Variants in MYOM1 observed in about 807,000 individuals in gnomAD.
MYOM1 encodes myomesin 1, also known as myomesin-1.
A neutral mutation model predicts 205.3 loss-of-function variants in MYOM1; 164 were observed. The ratio of observed to expected loss-of-function variants is 0.80; its 90% confidence interval spans 0.70 to 0.91. MYOM1 has a LOEUF of 0.91. Among genes scored for constraint, MYOM1 ranks in the 40% least tolerant of loss-of-function variants. The pLI, the probability that MYOM1 is intolerant of heterozygous loss-of-function variation, is 0.00. For missense variants in MYOM1, 2,011 were observed against 2,127.3 expected (o/e 0.95, Z 1.08); for synonymous variants, 772 against 789.4 (o/e 0.98, Z 0.37).
chr18:3,155,291 A>T (rs375958215), intron 10 of MYOM1, among the ~76,000 whole-genome samples: 5 of 152,068 alleles, frequency 3.3e-5, no homozygotes, highest in Admixed American at 1.3e-4. Flanking sequence ...GTGGGATCTC[A>T]GCTCACTGCA....
chr18:3,130,607 A>G (rs990900561), intron 17 of MYOM1, among the ~76,000 whole-genome samples: 1 of 151,970 alleles, frequency 6.6e-6, no homozygotes, highest in African/African-American at 2.4e-5. Context: ...ATGCACCACC[A>G]TGCCTGGCTA....
intron 19 of MYOM1, among the ~76,000 whole-genome samples, chr18:3,125,562 CAAA>C (rs112746940): frequency 1.4e-5 from 1 of 73,156 alleles, no homozygotes; most frequent in Admixed American, 1.5e-4. Flanking sequence ...AACTCCATCT[CAAA>C]AAAAAAAAAA....
At chr18:3,111,685 T>C (rs1248089823) in intron 22 of MYOM1, among the ~76,000 whole-genome samples, 1 of 152,226 alleles carries the variant, frequency 6.6e-6, no homozygotes. Flanking sequence ...CATTATATAA[T>C]ACATATAATG....
chr18:3,126,650 G>C, intron 19 of MYOM1, 51 bp downstream of exon 19: 1 of 1,529,850 alleles, frequency 6.5e-7, no homozygotes, highest in South Asian at 1.3e-5. Context: ...GGGCGTGCAA[G>C]CATAGCGTCA....
intron 35 of MYOM1, 88 bp downstream of exon 35, chr18:3,075,637 C>T (rs773165676): frequency 2.0e-6 from 3 of 1,478,868 alleles, no homozygotes; most frequent in Non-Finnish European, 2.8e-6. Context: ...ATAAAAGGCT[C>T]TTTCTAACAC....
intron 13 of MYOM1, among the ~76,000 whole-genome samples, chr18:3,143,089 T>C (rs147512511): frequency 2.6e-5 from 4 of 152,166 alleles, no homozygotes; most frequent in African/African-American, 9.7e-5. Flanking sequence ...ACAATGCATA[T>C]CATAATCAAA....
intron 6 of MYOM1, among the ~76,000 whole-genome samples, chr18:3,174,525 T>C (rs553185642): frequency 5.9e-5 from 9 of 152,234 alleles, no homozygotes; most frequent in South Asian, 2.1e-4. Context: ...ACATAAATTA[T>C]AGAGTGAACA....
chr18:3,181,727 GA>G (rs2080733323), intron 5 of MYOM1, among the ~76,000 whole-genome samples: 3 of 125,124 alleles, frequency 2.4e-5, no homozygotes, highest in East Asian at 2.4e-4. Context: ...GGGTGAAACT[GA>G]ATAATTTTTT....
At chr18:3,122,473 T>C (rs2079709779) in intron 19 of MYOM1, among the ~76,000 whole-genome samples, 1 of 152,168 alleles carries the variant, frequency 6.6e-6, no homozygotes, top group African/African-American at 2.4e-5. Flanking sequence ...TCAAAATTCA[T>C]AAGGCAACAT....
At chr18:3,136,504 C>T (rs2079967346) in intron 14 of MYOM1, among the ~76,000 whole-genome samples, 1 of 152,106 alleles carries the variant, frequency 6.6e-6, no homozygotes, top group Non-Finnish European at 1.5e-5. Flanking sequence ...CGGCTCACTG[C>T]AGCCTTGACT....
In MYOM1 at chr18:3,189,851, A is replaced by G. The variant is rs2080880832; in HGVS notation, c.432-764T>C. ...TCTAGTTTGTGTGCCTGTGACCCTG[A>G]TACATGAGTAGGAGCTTGATCTGGG... On this transcript the variant is annotated intron_variant, in intron 3 of 37. Transcript: ENST00000356443. The surrounding 1 kb of genome is among the most constrained non-coding windows in gnomAD (Gnocchi z 4.8). 6.6e-6 allele frequency among the ~76,000 whole-genome samples: 1 copy of G among 152,180 alleles called. No homozygotes were observed.
intron 2 of MYOM1, among the ~76,000 whole-genome samples, chr18:3,199,106 T>C (rs1159146536): frequency 6.6e-6 from 1 of 152,192 alleles, no homozygotes; most frequent in East Asian, 1.9e-4. Flanking sequence ...CTGCCTAGGC[T>C]TCTCCCATCC....
Position 3,102,525 on chromosome 18 carries a change from T to A in MYOM1, c.3524A>T (p.Tyr1175Phe). The A allele has an allele frequency of 6.2e-7, 1 of 1,613,944 alleles. No individual in the cohort carries two copies. Among genetic ancestry groups the A allele is most frequent in the Non-Finnish European group, 8.5e-7 (1 of 1,179,854 alleles). ...TCGTGGAGAGTCCTCAGTGGATACATAATCTTTGGACCAGGAGAACTCGGA... is the reference window on the plus strand; with the variant it reads ...TCGTGGAGAGTCCTCAGTGGATACAAAATCTTTGGACCAGGAGAACTCGGA... ...PKSEFSWSKDYVSTEDSPRLE... is the reference protein window; with the variant it reads ...PKSEFSWSKDFVSTEDSPRLE... Residue 1175 changes from tyrosine (Y) to phenylalanine (F), a missense_variant, in exon 23 of 38, where the codon TAT becomes TTT. Tyr to Phe is a conservative substitution (Grantham distance 22, BLOSUM62 3). Coordinates refer to ENST00000356443, the MANE Select transcript of MYOM1 (RefSeq NM_003803.4).
intron 18 of MYOM1, among the ~76,000 whole-genome samples, chr18:3,127,182 A>G (rs2079799783): frequency 1.3e-5 from 2 of 150,658 alleles, no homozygotes; most frequent in Non-Finnish European, 3.0e-5. Context: ...TTCCCAAGGT[A>G]TAATTTTTGT....
Position 3,075,727 on chromosome 18 carries a change from C to T in MYOM1, c.4683G>A (p.Leu1561=), listed in dbSNP as rs917754732. Residue 1561 remains leucine, a splice_region_variant and synonymous_variant, in exon 35 of 38, where the codon TTG becomes TTA. Transcript: ENST00000356443. ...ATTTGCTAGGACCAGGGACTTACTT[C>T]AACCTCTGGAATTCAGCATAGGCCT... ...YDEAYAEFQR[L]KQAAIAEKNR... is the part of the protein sequence containing the mutation. 5 of 1,600,930 alleles carry T rather than the reference C, an allele frequency of 3.1e-6. No homozygotes were observed. In the African/African-American group the frequency reaches 5.4e-5, roughly 17 times the overall value.
chr18:3,218,708 C>T (rs892198884), intron 1 of MYOM1, among the ~76,000 whole-genome samples: 3 of 152,116 alleles, frequency 2.0e-5, no homozygotes, highest in African/African-American at 4.8e-5. Flanking sequence ...TAACATGGCA[C>T]ATGTTATTTG....
chr18:3,234,145 T>C, the MYOM1 span, among the ~76,000 whole-genome samples: 1 of 152,162 alleles, frequency 6.6e-6, no homozygotes, highest in Admixed American at 6.5e-5. Context: ...AATAAAACAC[T>C]TTGCAGAGAG....
chr18:3,244,101 C>T, the MYOM1 span, among the ~76,000 whole-genome samples: 1 of 152,144 alleles, frequency 6.6e-6, no homozygotes, highest in Non-Finnish European at 1.5e-5. Context: ...TGTCGAGGGC[C>T]GTCCTGTGCA....
chr18:3,185,560 TG>T (rs2080798231), intron 5 of MYOM1, among the ~76,000 whole-genome samples: 3 of 152,304 alleles, frequency 2.0e-5, no homozygotes, highest in Admixed American at 2.0e-4. Context: ...GGGAAGTAAT[TG>T]GTTTTTTAAG....
Sources: gnomAD v4.1 joint callset for allele counts (sites outside exome capture counted in the v4.1 genomes callset) on GRCh38, gnomAD v4.1.1 for gene constraint, Gnocchi (gnomAD v3.1) non-coding constraint, MANE v1.5 for transcripts, NCBI Gene and HGNC (gene_info 2026-07-23, HGNC 2026-07-21) for gene names.